HERC2: variants seen among roughly 807,000 people sequenced by gnomAD.
HERC2 encodes E3 ubiquitin-protein ligase HERC2.
A neutral mutation model predicts 537.7 loss-of-function variants in HERC2; 102 were observed. The observed-to-expected ratio is 0.19, with a 90% CI of 0.16 to 0.22. HERC2 has a LOEUF of 0.22. HERC2 is among the 10% of genes least tolerant of loss of function. The probability of loss-of-function intolerance (pLI) is 1.00; values close to 1 mark genes in which losing one functional copy is unlikely to be tolerated. For synonymous variants in HERC2, 2,224 were observed against 2,466.2 expected (o/e 0.90, Z 2.91); for missense variants, 4,236 against 6,198.2 (o/e 0.68, Z 10.63).
At chr15:28,140,087 A>G (rs1349593557) in intron 78 of HERC2, among the ~76,000 whole-genome samples, 1 of 151,966 alleles carries the variant, frequency 6.6e-6, no homozygotes, top group Non-Finnish European at 1.5e-5. Flanking sequence ...AAAGAAGAAG[A>G]AGAAAACATC....
chr15:28,266,214 T>G (rs1197908730), intron 12 of HERC2, among the ~76,000 whole-genome samples: 1 of 152,176 alleles, frequency 6.6e-6, no homozygotes, highest in African/African-American at 2.4e-5. Flanking sequence ...AAATAGTGTT[T>G]GTTAAAGAAT....
chr15:28,232,396 C>T (rs1901966452), intron 30 of HERC2, among the ~76,000 whole-genome samples: 1 of 151,842 alleles, frequency 6.6e-6, no homozygotes, highest in Admixed American at 6.6e-5. Context: ...AAAAATTAGC[C>T]AGGAGTGGTG....
intron 16 of HERC2, among the ~76,000 whole-genome samples, chr15:28,260,139 A>G (rs2075379497): frequency 6.6e-6 from 1 of 151,918 alleles, no homozygotes; most frequent in African/African-American, 2.4e-5. Flanking sequence ...CAGGAGTTCG[A>G]GACCAGCCTG....
intron 19 of HERC2, 85 bp downstream of exon 19, chr15:28,255,787 T>C: frequency 7.2e-7 from 1 of 1,391,654 alleles, no homozygotes. Context: ...AGAGTTTTAC[T>C]GTTTTCAGTT....
chr15:28,232,322 C>T (rs1901957253), intron 30 of HERC2, among the ~76,000 whole-genome samples: 1 of 152,102 alleles, frequency 6.6e-6, no homozygotes, highest in African/African-American at 2.4e-5. Flanking sequence ...GCAGGCAGAT[C>T]ACGAGGTCAG....
intron 23 of HERC2, among the ~76,000 whole-genome samples, chr15:28,239,417 A>G (rs542015724): frequency 3.3e-5 from 5 of 151,986 alleles, no homozygotes; most frequent in Admixed American, 6.6e-5. Context: ...TACCAACTCA[A>G]TATTATGAAA....
At position 28,124,445 on chromosome 15, in the gene HERC2, C is replaced by T. The variant is rs1355224139; in HGVS notation, c.12991-211G>A. Among the ~76,000 whole-genome samples the T allele has an allele frequency of 2.0e-5, 3 of 152,208 alleles. 1 individual carries two copies. In the South Asian group the frequency reaches 6.2e-4, roughly 31 times the overall value. On this transcript the variant is annotated intron_variant, in intron 84 of 92. Transcript: ENST00000261609. Reference sequence around the variant, plus strand: ...AAAAATTAGTCTATACAAATAAATTCACTAAGAAATGTGAGGCATGTACTA... The same window carrying T: ...AAAAATTAGTCTATACAAATAAATTTACTAAGAAATGTGAGGCATGTACTA...
intron 35 of HERC2, among the ~76,000 whole-genome samples, chr15:28,223,234 G>C (rs1041220281): frequency 1.3e-5 from 2 of 152,082 alleles, no homozygotes; most frequent in Non-Finnish European, 2.9e-5. Context: ...CAGGAGAGTA[G>C]GCTAGATTTT....
chr15:28,304,165 C>CAAAAAAAAAAAA (rs779514776), intron 2 of HERC2, among the ~76,000 whole-genome samples: 2 of 63,816 alleles, frequency 3.1e-5, no homozygotes, highest in African/African-American at 5.5e-5. Context: ...GACTCCATCT[C>CAAAAAAAAAAAA]AAAAAAAAAA....
At chr15:28,143,548 G>C (rs571790115) in intron 74 of HERC2, among the ~76,000 whole-genome samples, 1 of 152,088 alleles carries the variant, frequency 6.6e-6, no homozygotes, top group Non-Finnish European at 1.5e-5. Flanking sequence ...CCAGGTTCAA[G>C]CGATTCTCCT....
At chr15:28,257,918 T>C (rs973816884) in intron 16 of HERC2, among the ~76,000 whole-genome samples, 3 of 151,608 alleles carry the variant, frequency 2.0e-5, no homozygotes, top group African/African-American at 7.3e-5. Context: ...TCACCTGACC[T>C]CATGATCTGC....
chr15:28,313,651 T>C (rs1161585908), intron 2 of HERC2, among the ~76,000 whole-genome samples: 1 of 152,236 alleles, frequency 6.6e-6, no homozygotes, highest in African/African-American at 2.4e-5. Flanking sequence ...GGTATATGGC[T>C]TTTTTTCTTA....
chr15:28,255,153 T>C (rs1239430297), intron 19 of HERC2, among the ~76,000 whole-genome samples: 1 of 151,954 alleles, frequency 6.6e-6, no homozygotes, highest in African/African-American at 2.4e-5. Flanking sequence ...CTGTGCAACA[T>C]AGTAACACCT....
chr15:28,281,347 T>A (rs927161198), intron 4 of HERC2, among the ~76,000 whole-genome samples: 3 of 152,030 alleles, frequency 2.0e-5, no homozygotes, highest in Admixed American at 1.3e-4. Context: ...CTCCCACCAA[T>A]CCCCTCTAAC....
chr15:28,321,525 C>G (rs2077228682), intron 1 of HERC2, 61 bp from the exon 2 acceptor site: 3 of 831,938 alleles, frequency 3.6e-6, no homozygotes, highest in Admixed American at 2.0e-5. Context: ...AAGACACTCC[C>G]GAAAGCCAGA....
At chr15:28,293,113 C>T (rs2076364240) in intron 3 of HERC2, 91 bp from the exon 4 acceptor site, 1 of 1,068,598 alleles carries the variant, frequency 9.4e-7, no homozygotes, top group Non-Finnish European at 1.4e-6. Context: ...AAAGTTACAA[C>T]ACACATCATT....
intron 15 of HERC2, among the ~76,000 whole-genome samples, chr15:28,261,582 A>C (rs1400026126): frequency 1.3e-5 from 2 of 152,204 alleles, no homozygotes; most frequent in Non-Finnish European, 2.9e-5. Context: ...CATCAGCAAC[A>C]AAAAAGGTGT....
chr15:28,144,553 T>C (rs2142267635), intron 72 of HERC2, 120 bp downstream of exon 72: 1 of 1,400,324 alleles, frequency 7.1e-7, no homozygotes, highest in South Asian at 1.3e-5. Context: ...GAGCACTCAC[T>C]CCAACACAGC....
At chr15:28,199,423 G>A (rs1897681515) in intron 48 of HERC2, among the ~76,000 whole-genome samples, 1 of 152,158 alleles carries the variant, frequency 6.6e-6, no homozygotes, top group South Asian at 2.1e-4. Flanking sequence ...GGAAAACAAA[G>A]CTTCCTGGTC....
Sources: gnomAD v4.1 joint callset for allele counts (sites outside exome capture counted in the v4.1 genomes callset) on GRCh38, gnomAD v4.1.1 for gene constraint, MANE v1.5 for transcripts, NCBI Gene and HGNC (gene_info 2026-07-23, HGNC 2026-07-21) for gene names.